NCALD: variants seen among roughly 807,000 people sequenced by gnomAD.
NCALD encodes the protein neurocalcin delta.
Under a neutral mutation model 18.6 loss-of-function variants are expected in NCALD, and 10 were observed. The observed-to-expected ratio is 0.54, with a 90% CI of 0.33 to 0.91. NCALD has a LOEUF of 0.91. Among genes scored for constraint, NCALD ranks in the 40% least tolerant of loss-of-function variants. NCALD has a pLI of 0.03. For missense variants in NCALD, 184 were observed against 247.6 expected, an observed-to-expected ratio of 0.74 and a Z score of 1.72; for synonymous variants, 88 against 87.4, an observed-to-expected ratio of 1.01 and a Z score of -0.04.
intron 2 of NCALD, among the ~76,000 whole-genome samples, chr8:101,977,583 T>C (rs9886578): frequency 0.16 from 23,827 of 152,138 alleles, 2,680 homozygotes; most frequent in African/African-American, 0.31. Context: ...TTCCTGCTCT[T>C]ACTCTGTTTC....
upstream of NCALD, among the ~76,000 whole-genome samples, chr8:101,793,169 T>C (rs1418830555): frequency 6.6e-6 from 1 of 151,966 alleles, no homozygotes; most frequent in Admixed American, 6.5e-5. Flanking sequence ...GCTAACACGG[T>C]GAAACCCCGT....
intron 3 of NCALD, among the ~76,000 whole-genome samples, chr8:101,893,180 C>G (rs572980473): frequency 6.6e-6 from 1 of 151,920 alleles, no homozygotes. Flanking sequence ...AGAAACCCTA[C>G]AAGCCAGAAG....
At chr8:101,699,352 G>A (rs1336943675) in intron 2 of NCALD, among the ~76,000 whole-genome samples, 2 of 152,190 alleles carry the variant, frequency 1.3e-5, no homozygotes, top group African/African-American at 2.4e-5. Flanking sequence ...AGACAGTGTG[G>A]CGATTCCTCA....
intron 1 of NCALD, among the ~76,000 whole-genome samples, chr8:102,121,396 GTGGGTGCC>G (rs1258246009): frequency 6.6e-6 from 1 of 152,132 alleles, no homozygotes; most frequent in African/African-American, 2.4e-5. Context: ...AGAGCTTGGA[GTGGGTGCC>G]TGAGTCAGAA....
intron 1 of NCALD, among the ~76,000 whole-genome samples, chr8:102,084,764 G>C (rs1824680587): frequency 1.3e-5 from 2 of 152,196 alleles, no homozygotes; most frequent in Admixed American, 1.3e-4. Flanking sequence ...GATCTTATCA[G>C]GAAGCAGCTG....
intron 4 of NCALD, among the ~76,000 whole-genome samples, chr8:101,801,149 T>C (rs1812835356): frequency 6.6e-6 from 1 of 152,120 alleles, no homozygotes. Context: ...TAGTACTTTA[T>C]AGAAATATAA....
At chr8:102,060,195 A>G (rs1316227781) in intron 1 of NCALD, among the ~76,000 whole-genome samples, 3 of 148,232 alleles carry the variant, frequency 2.0e-5, no homozygotes, top group Non-Finnish European at 4.4e-5. Context: ...GTTAGCCAGG[A>G]TGGTCTTGAT....
chr8:101,982,267 CA>C lies in NCALD; in HGVS notation c.-157+37969del, dbSNP rs755853652. The stretch of plus-strand genomic sequence containing the variant: ...AAACAGACTAACACACATTCTAAGC[CA>C]AAGAAATTGAAACTAGCTTAAGACA... On this transcript the variant is annotated intron_variant, in intron 2 of 6. Transcript: ENST00000311028. 1.2e-4 allele frequency among the ~76,000 whole-genome samples: 18 copies of C among 152,276 alleles called. No homozygotes were observed. The East Asian group carries it at 3.3e-3, about 28-fold the overall frequency.
chr8:102,072,011 C>T (rs1166526617), intron 1 of NCALD, among the ~76,000 whole-genome samples: 1 of 152,026 alleles, frequency 6.6e-6, no homozygotes, highest in Non-Finnish European at 1.5e-5. Context: ...TCTGAAATAG[C>T]CAAGACAACT....
At chr8:101,891,452 T>C (rs912106740) in intron 3 of NCALD, among the ~76,000 whole-genome samples, 12 of 152,268 alleles carry the variant, frequency 7.9e-5, no homozygotes, top group African/African-American at 2.9e-4. Context: ...TGTTTGTTCC[T>C]TTTCATTGCT....
At chr8:101,983,217 A>G (rs1473075962) in intron 2 of NCALD, among the ~76,000 whole-genome samples, 1 of 152,042 alleles carries the variant, frequency 6.6e-6, no homozygotes, top group Non-Finnish European at 1.5e-5. Context: ...GGCTGCTGTC[A>G]CCTAATTGAT....
At chr8:101,766,570 G>T (rs1357989161) in intron 1 of NCALD, among the ~76,000 whole-genome samples, 1 of 152,062 alleles carries the variant, frequency 6.6e-6, no homozygotes, top group Admixed American at 6.6e-5. Context: ...AGTTTCCAAA[G>T]AAGTTTCTTT....
chr8:101,880,001 G>A (rs943994439), intron 4 of NCALD, among the ~76,000 whole-genome samples: 1 of 151,944 alleles, frequency 6.6e-6, no homozygotes. Flanking sequence ...CCCTTGGGCG[G>A]TGGATGGGAC....
rs932680212 is a variant in NCALD at position 101,691,931 on chromosome 8, C to A, written c.484+860G>T. On this transcript the variant is annotated intron_variant, in intron 3 of 3. Transcript: ENST00000220931. ...ATAATAACAGCAAGAGCTACAGAGC[C>A]GGGCCCTGAGCTGAGCTCTTTAAAC... The A allele has an allele frequency of 5.1e-6, 5 of 985,266 alleles. No individual in the cohort carries two copies. The South Asian group carries it at 1.9e-4, about 37-fold the overall frequency. 61.0% of individuals were successfully genotyped at this position (985,266 alleles called of 1,614,324 possible).
At chr8:101,776,634 C>T (rs543267871) in intron 1 of NCALD, among the ~76,000 whole-genome samples, 2 of 152,196 alleles carry the variant, frequency 1.3e-5, no homozygotes, top group East Asian at 3.9e-4. Flanking sequence ...TTCCAGCAGG[C>T]AACAGGGGCC....
rs141704177 is a variant in NCALD, at chr8:101,861,110, A to G, written c.-20+26031T>C. On this transcript the variant is annotated intron_variant, in intron 4 of 6. Transcript: ENST00000311028. ...GGGAACCAGCCCTGCCTACATATTGATTTCAGCTCAGTGCGTCTGTTTAGA... is the reference window on the plus strand; with the variant it reads ...GGGAACCAGCCCTGCCTACATATTGGTTTCAGCTCAGTGCGTCTGTTTAGA... 6.7e-3 allele frequency among the ~76,000 whole-genome samples: 1,021 copies of G among 152,290 alleles called. 6 individuals carry two copies. The highest frequency in any genetic ancestry group is 0.03 in the South Asian group (143 of 4,820).
intron 4 of NCALD, among the ~76,000 whole-genome samples, chr8:101,882,881 G>T (rs1816539981): frequency 6.6e-6 from 1 of 152,148 alleles, no homozygotes. Context: ...TTCCAGGCAT[G>T]TATTGTTTTC....
At chr8:101,892,361 G>A (rs1816939480) in intron 3 of NCALD, among the ~76,000 whole-genome samples, 1 of 147,084 alleles carries the variant, frequency 6.8e-6, no homozygotes, top group Non-Finnish European at 1.5e-5. Context: ...AAACCCATCT[G>A]TACATCACCA....
At chr8:101,894,057 A>G (rs1191709629) in intron 3 of NCALD, among the ~76,000 whole-genome samples, 1 of 147,420 alleles carries the variant, frequency 6.8e-6, no homozygotes, top group Non-Finnish European at 1.5e-5. Context: ...TCAACAGAAT[A>G]TACATTTTTT....
Sources: gnomAD v4.1 joint callset for allele counts (sites outside exome capture counted in the v4.1 genomes callset) on GRCh38, gnomAD v4.1.1 for gene constraint, MANE v1.5 for transcripts, NCBI Gene and HGNC (gene_info 2026-07-23, HGNC 2026-07-21) for gene names.